CNKSR3: variants seen among roughly 807,000 people sequenced by gnomAD.
CNKSR3 encodes the protein CNKSR family member 3.
In CNKSR3, 36 loss-of-function variants were observed where a neutral mutation model predicts 67.7. The ratio of observed to expected loss-of-function variants is 0.53; its 90% CI spans 0.41 to 0.70. The LOEUF (loss-of-function observed/expected upper bound fraction) is 0.70, where lower values mean the gene tolerates loss of function less well. Ranked by LOEUF, CNKSR3 falls within the 30% of genes least tolerant of loss-of-function variation. The probability of loss-of-function intolerance (pLI) is 0.00; values close to 1 mark genes in which losing one functional copy is unlikely to be tolerated. For synonymous variants in CNKSR3, 281 were observed against 271.4 expected, an observed-to-expected ratio of 1.04 and a Z score of -0.35; for missense variants, 630 against 695.2, an observed-to-expected ratio of 0.91 and a Z score of 1.05.
intron 7 of CNKSR3, among the ~76,000 whole-genome samples, chr6:154,424,883 T>C (rs1785224541): frequency 6.6e-6 from 1 of 152,190 alleles, no homozygotes. Flanking sequence ...GCCATTCTCC[T>C]GCCTCAACCT....
In CNKSR3 at chr6:154,483,454, C is replaced by T. The variant is rs542354486; in HGVS notation, c.52+26609G>A. On this transcript the variant is annotated intron_variant, in intron 1 of 12. Coordinates refer to ENST00000607772, the MANE Select transcript of CNKSR3 (RefSeq NM_173515.4). Reference sequence around the variant, plus strand: ...CCCAGCACTACCAATGGGCAGAATCCTCTTAGTTTTCTAAATCACTTCACC... The same window carrying T: ...CCCAGCACTACCAATGGGCAGAATCTTCTTAGTTTTCTAAATCACTTCACC... Among the ~76,000 whole-genome samples, 4 of 152,192 alleles carry T rather than the reference C, an allele frequency of 2.6e-5. No homozygotes were observed. The South Asian group carries it at 8.3e-4, about 32-fold the overall frequency.
rs756717380 is a variant in CNKSR3 at position 154,433,493 on chromosome 6, C to A, written c.522G>T (p.Ala174=). The A allele has an allele frequency of 6.3e-7, 1 of 1,589,558 alleles. No individual in the cohort carries two copies. ...CAGTTAAAACTTTATCCTCCATTTC[C>A]GCTACAAAGCAATCCTAAAGAAGGG... The part of the protein sequence containing the change: ...TTTVQKDCFV[A]EMEDKVLTVV... The change falls in exon 5 of 13, where the codon GCG becomes GCT. Residue 174 remains alanine (A), a synonymous_variant. Transcript: ENST00000607772.
rs1261671352 is a variant in CNKSR3, at chr6:154,403,133, TA to T, written c.*3220del. 6.6e-6 allele frequency: 1 copy of T among 152,116 alleles called. No homozygotes were observed. The highest frequency in any genetic ancestry group is 2.4e-5 in the African/African-American group (1 of 41,418). 9.4% of individuals were successfully genotyped at this position (152,116 alleles called of 1,614,324 possible). A position where few individuals can be genotyped will look rare whatever the true frequency, so the allele number is the denominator to read the frequency against. On this transcript the variant is annotated 3_prime_UTR_variant, in exon 13 of 13. Transcript: ENST00000607772. The stretch of plus-strand genomic sequence containing the variant: ...AAAGTGATGCTATAAAATATTATAA[TA>T]GGGGTAGGTGTTGAGTTGTGTCTGG...
rs780213685 is a variant in CNKSR3, at chr6:154,406,618, C to G, written c.1404G>C (p.Glu468Asp). Residue 468 changes from glutamate to aspartate, a missense_variant, in exon 13 of 13, where the codon GAG becomes GAC. Physicochemically the swap from Glu to Asp is conservative, Grantham distance 45. This residue lies in a region of CNKSR3 where 308 missense variants were observed against 299.6 expected (regional missense o/e 1.03). Coordinates refer to ENST00000607772, the MANE Select transcript of CNKSR3 (RefSeq NM_173515.4). ...EDALCRYFSNERIPPIIEESS... is the reference protein window; with the variant it reads ...EDALCRYFSNDRIPPIIEESS... ...TCTCTTCAATGATCGGAGGAATCCG[C>G]TCGTTACTGAAATACCGGCAAAGGG... 5.6e-6 allele frequency: 9 copies of G among 1,613,832 alleles called. No individual in the cohort carries two copies. The Admixed American group carries it at 1.5e-4, about 27-fold the overall frequency.
intron 10 of CNKSR3, among the ~76,000 whole-genome samples, chr6:154,413,958 A>AGGCT (rs2128711974): frequency 6.6e-6 from 1 of 152,166 alleles, no homozygotes; most frequent in South Asian, 2.1e-4. Flanking sequence ...CATGTTGCCC[A>AGGCT]GGCTGGTCTT....
intron 1 of CNKSR3, among the ~76,000 whole-genome samples, chr6:154,465,625 G>T (rs191138039): frequency 6.6e-6 from 1 of 152,040 alleles, no homozygotes; most frequent in African/African-American, 2.4e-5. Flanking sequence ...ACACAGAAAC[G>T]TTCACAGATG....
intron 9 of CNKSR3, 128 bp from the exon 10 acceptor site, chr6:154,414,551 GT>G: frequency 2.1e-6 from 2 of 942,412 alleles, no homozygotes; most frequent in Non-Finnish European, 3.4e-6. Context: ...TCATTCATGT[GT>G]TTACAGATAT....
At chr6:154,507,609 T>G (rs1262778373) in intron 1 of CNKSR3, among the ~76,000 whole-genome samples, 1 of 152,350 alleles carries the variant, frequency 6.6e-6, no homozygotes, top group East Asian at 1.9e-4. Context: ...TTGCAGCCTC[T>G]TATCATCTTA....
At chr6:154,418,966 A>AT (rs1318911393) in intron 9 of CNKSR3, among the ~76,000 whole-genome samples, 2 of 151,400 alleles carry the variant, frequency 1.3e-5, no homozygotes, top group Non-Finnish European at 2.9e-5. Flanking sequence ...AAAAAAAAAA[A>AT]AAACAAAACA....
chr6:154,415,855 T>A (rs939068145), intron 9 of CNKSR3, among the ~76,000 whole-genome samples: 1 of 152,224 alleles, frequency 6.6e-6, no homozygotes, highest in Non-Finnish European at 1.5e-5. Context: ...AATCTTACCT[T>A]CTACAATCTA....
At chr6:154,472,052 G>A (rs1269076183) in intron 1 of CNKSR3, among the ~76,000 whole-genome samples, 3 of 152,082 alleles carry the variant, frequency 2.0e-5, no homozygotes, top group Non-Finnish European at 2.9e-5. Context: ...GCAAATATAC[G>A]TAATACAAAT....
chr6:154,422,370 T>C (rs1332966347), intron 9 of CNKSR3, 136 bp downstream of exon 9: 1 of 780,336 alleles, frequency 1.3e-6, no homozygotes, highest in East Asian at 2.5e-5. Context: ...TATTTTCACA[T>C]AGGCAGGAGT....
chr6:154,495,542 A>ATT (rs57229246), intron 1 of CNKSR3, among the ~76,000 whole-genome samples: 106 of 138,954 alleles, frequency 7.6e-4, no homozygotes, highest in African/African-American at 2.5e-3. Flanking sequence ...TCATTTTAAC[A>ATT]TTTTTTTTTT....
chr6:154,417,928 C>T (rs1224844375), intron 9 of CNKSR3, among the ~76,000 whole-genome samples: 2 of 152,168 alleles, frequency 1.3e-5, no homozygotes, highest in Admixed American at 1.3e-4. Context: ...AAAGCCCATG[C>T]TCCCCAGCCT....
intron 1 of CNKSR3, among the ~76,000 whole-genome samples, chr6:154,489,742 C>G (rs1390965342): frequency 1.3e-5 from 2 of 152,074 alleles, no homozygotes; most frequent in African/African-American, 4.8e-5. Flanking sequence ...ATATTTCTAA[C>G]CACTTCCAGA....
intron 1 of CNKSR3, among the ~76,000 whole-genome samples, chr6:154,480,521 A>G (rs545949103): frequency 6.6e-6 from 1 of 152,330 alleles, no homozygotes; most frequent in African/African-American, 2.4e-5. Flanking sequence ...ACAGGAAAAC[A>G]AAGCTGTCTC....
chr6:154,423,288 G>A (rs192026365), intron 7 of CNKSR3, among the ~76,000 whole-genome samples: 19 of 152,142 alleles, frequency 1.2e-4, no homozygotes, highest in Admixed American at 2.0e-4. Context: ...CTTTTAAGAC[G>A]GAGTCTCACT....
chr6:154,468,373 C>A (rs1347581178), intron 1 of CNKSR3, among the ~76,000 whole-genome samples: 1 of 145,918 alleles, frequency 6.9e-6, no homozygotes, highest in African/African-American at 2.6e-5. Context: ...AGCCACTGCA[C>A]CCAGCCCATA....
rs186996501 is a variant in CNKSR3 at position 154,401,476 on chromosome 6, T to G, written c.*4878A>C. 1 of 152,916 alleles carries G rather than the reference T, an allele frequency of 6.5e-6. No individual in the cohort carries two copies. Among genetic ancestry groups the G allele is most frequent in the Admixed American group, 6.5e-5 (1 of 15,290 alleles). The allele number at this position is 152,916 out of a possible 1,614,324, so 9.5% of individuals were successfully genotyped here. Reference sequence around the variant, plus strand: ...TCCCAGCCTCCAGAACGGTGAGAAATTTCTGTCATTTAAGCTACCCAGTGT... The same window carrying G: ...TCCCAGCCTCCAGAACGGTGAGAAAGTTCTGTCATTTAAGCTACCCAGTGT... On this transcript the variant is annotated 3_prime_UTR_variant, in exon 13 of 13. Transcript: ENST00000607772.
Sources: allele counts gnomAD v4.1 joint callset (sites outside exome capture counted in the v4.1 genomes callset), GRCh38; gene constraint gnomAD v4.1.1; regional missense constraint gnomAD v4.1.1; transcripts MANE v1.5; gene names NCBI Gene and HGNC (gene_info 2026-07-23, HGNC 2026-07-21).